Variants in EPHA4 observed in about 807,000 individuals in gnomAD.
EPHA4 encodes ephrin type-A receptor 4.
A neutral mutation model predicts 108.3 loss-of-function variants in EPHA4; 19 were observed. The ratio of observed to expected loss-of-function variants is 0.18; its 90% CI spans 0.12 to 0.26. The LOEUF (loss-of-function observed/expected upper bound fraction) is 0.26, where lower values mean the gene tolerates loss of function less well. Ranked by LOEUF, EPHA4 falls within the 10% of genes least tolerant of loss-of-function variation. The pLI is 1.00. For synonymous variants in EPHA4, 449 were observed against 455.5 expected, an observed-to-expected ratio of 0.99 and a Z score of 0.18; for missense variants, 917 against 1,254.0, an observed-to-expected ratio of 0.73 and a Z score of 4.06.
In EPHA4 at chr2:221,446,905, C is replaced by T. The variant is rs138444220; in HGVS notation, c.1716-724G>A. 3.2e-4 allele frequency among the ~76,000 whole-genome samples: 49 copies of T among 152,296 alleles called. 1 individual carries two copies. In the East Asian group the frequency reaches 9.2e-3, roughly 29 times the overall value. ...CACTTTCAGTAAAATGGTGCATTGTCTTAAACCTGGCATTCTGCTCCTACA... is the reference window on the plus strand; with the variant it reads ...CACTTTCAGTAAAATGGTGCATTGTTTTAAACCTGGCATTCTGCTCCTACA... On this transcript the variant is annotated intron_variant, in intron 8 of 17. Coordinates refer to ENST00000281821, the MANE Select transcript of EPHA4 (RefSeq NM_004438.5).
upstream of EPHA4, chr2:221,573,891 C>G (rs970175649): frequency 1.3e-5 from 2 of 152,238 alleles, no homozygotes; most frequent in Non-Finnish European, 2.9e-5. The surrounding 1 kb of genome is among the most constrained non-coding windows in gnomAD (Gnocchi z 4.5). Context: ...TGGAGTCTGT[C>G]GTGACTCTCG....
At chr2:221,547,428 T>A (rs1221531729) in intron 3 of EPHA4, among the ~76,000 whole-genome samples, 1 of 152,240 alleles carries the variant, frequency 6.6e-6, no homozygotes, top group Middle Eastern at 3.2e-3. Flanking sequence ...TCTATGCTTG[T>A]AACTTCCCAA....
chr2:221,530,417 T>C (rs1693471994), intron 3 of EPHA4, among the ~76,000 whole-genome samples: 3 of 152,226 alleles, frequency 2.0e-5, no homozygotes, highest in Admixed American at 2.0e-4. Context: ...GTTACCATTC[T>C]CTAACATGAA....
chr2:221,432,147 G>T (rs62178654), intron 14 of EPHA4, among the ~76,000 whole-genome samples: 1 of 148,860 alleles, frequency 6.7e-6, no homozygotes, highest in Non-Finnish European at 1.5e-5. Context: ...ATATATGTGT[G>T]TATATATATA....
chr2:221,506,172 C>A (rs2106161577), intron 3 of EPHA4, among the ~76,000 whole-genome samples: 1 of 152,216 alleles, frequency 6.6e-6, no homozygotes, highest in Admixed American at 6.5e-5. Context: ...GGGAACTCTG[C>A]CTTTTGTGCA....
At chr2:221,471,952 T>C (rs1482264067) in intron 5 of EPHA4, among the ~76,000 whole-genome samples, 2 of 152,146 alleles carry the variant, frequency 1.3e-5, no homozygotes, top group Non-Finnish European at 2.9e-5. Flanking sequence ...AATGAGATGA[T>C]GTTAGCTCCA....
At chr2:221,492,348 G>C (rs1692170579) in intron 4 of EPHA4, among the ~76,000 whole-genome samples, 1 of 152,140 alleles carries the variant, frequency 6.6e-6, no homozygotes, top group South Asian at 2.1e-4. Context: ...GGAAAAAAAA[G>C]AGGAAGCTAA....
rs1691606653 is a variant in EPHA4 at position 221,474,723 on chromosome 2, G to GT, written c.1318+7628dup. On this transcript the variant is annotated intron_variant, in intron 5 of 17. Transcript: ENST00000281821. ...ATTTTAAAATGAATCTCTAGAAGGA[G>GT]TTCTTCATTTTCTCGATTTCACTAG... Among the ~76,000 whole-genome samples, 6 of 152,270 alleles carry GT rather than the reference G, an allele frequency of 3.9e-5. No homozygotes were observed. The South Asian group carries it at 1.2e-3, about 32-fold the overall frequency.
rs148658563 is a variant in EPHA4 at position 221,497,847 on chromosome 2, A to G, written c.979+3170T>C. ...TATTTTCATGGACCTTTTAACAATG[A>G]CACAAAAAGCCACCAGCCTTCCTTC... On this transcript the variant is annotated intron_variant, in intron 4 of 17. Coordinates refer to ENST00000281821, the MANE Select transcript of EPHA4 (RefSeq NM_004438.5). Among the ~76,000 whole-genome samples the G allele has an allele frequency of 7.9e-5, 12 of 152,302 alleles. No individual in the cohort carries two copies. In the East Asian group the frequency reaches 2.1e-3, roughly 27 times the overall value.
chr2:221,508,518 G>A (rs1404942382), intron 3 of EPHA4, among the ~76,000 whole-genome samples: 1 of 151,134 alleles, frequency 6.6e-6, no homozygotes, highest in African/African-American at 2.4e-5. Context: ...GACTGAGGTT[G>A]CAGGGAGCCA....
intron 3 of EPHA4, among the ~76,000 whole-genome samples, chr2:221,555,676 C>T (rs999058231): frequency 2.6e-5 from 4 of 152,158 alleles, no homozygotes; most frequent in African/African-American, 7.2e-5. Flanking sequence ...AGGGAGAAAG[C>T]TTTTATGCCT....
At chr2:221,566,912 AG>A (rs1694667547) in intron 2 of EPHA4, among the ~76,000 whole-genome samples, 5 of 47,776 alleles carry the variant, frequency 1.0e-4, no homozygotes, top group Non-Finnish European at 1.5e-4. Context: ...GAGAAGGAGA[AG>A]GAGAAGGAGA....
intron 4 of EPHA4, among the ~76,000 whole-genome samples, chr2:221,497,323 T>C (rs1412034715): frequency 1.3e-5 from 2 of 152,190 alleles, no homozygotes; most frequent in Admixed American, 6.5e-5. Flanking sequence ...AATATCACAG[T>C]GTTGGTCAGT....
At chr2:221,513,792 T>C in intron 3 of EPHA4, among the ~76,000 whole-genome samples, 1 of 152,220 alleles carries the variant, frequency 6.6e-6, no homozygotes, top group East Asian at 1.9e-4. Flanking sequence ...TACACAACTT[T>C]CTGCCAGCAT....
At chr2:221,530,777 C>T (rs151253916) in intron 3 of EPHA4, among the ~76,000 whole-genome samples, 301 of 152,268 alleles carry the variant, frequency 2.0e-3, no homozygotes, top group African/African-American at 6.6e-3. Context: ...CACAGCAGGA[C>T]ATCGTGGTCT....
chr2:221,529,674 G>A (rs889228947), intron 3 of EPHA4, among the ~76,000 whole-genome samples: 5 of 152,130 alleles, frequency 3.3e-5, no homozygotes, highest in African/African-American at 9.7e-5. Context: ...TTGAGACAAC[G>A]CTGAAGGGCA....
chr2:221,564,887 CA>C (rs1233305564), intron 2 of EPHA4, among the ~76,000 whole-genome samples: 939 of 73,062 alleles, frequency 0.013, 2 homozygotes, highest in Middle Eastern at 0.06. Flanking sequence ...TCTAATACCT[CA>C]AAAAAAAAAA....
Position 221,443,578 on chromosome 2 carries a change from C to A in EPHA4, c.1803G>T (p.Thr601=), listed in dbSNP as rs140279818. The change falls in exon 10 of 18, where the codon ACG becomes ACT. Residue 601 remains threonine, a synonymous_variant. Coordinates refer to ENST00000281821, the MANE Select transcript of EPHA4 (RefSeq NM_004438.5). The part of the protein sequence containing the change: ...QGVRTYVDPF[T]YEDPNQAVRE... ...GCACTGCTTGGTTGGGATCTTCGTA[C>A]GTAAAGGGGTCCACATATGTTCTTA... 4 of 1,613,704 alleles carry A rather than the reference C, an allele frequency of 2.5e-6. No homozygotes were observed. Among genetic ancestry groups the A allele is most frequent in the Non-Finnish European group, 1.7e-6 (2 of 1,179,892 alleles).
At chr2:221,556,283 C>T (rs934640185) in intron 3 of EPHA4, among the ~76,000 whole-genome samples, 1 of 151,878 alleles carries the variant, frequency 6.6e-6, no homozygotes, top group Admixed American at 6.6e-5. Flanking sequence ...AGAAAAGTGA[C>T]ATTGTTTTAC....
Sources: gnomAD v4.1 joint callset for allele counts (sites outside exome capture counted in the v4.1 genomes callset) on GRCh38, gnomAD v4.1.1 for gene constraint, Gnocchi (gnomAD v3.1) non-coding constraint, MANE v1.5 for transcripts, NCBI Gene and HGNC (gene_info 2026-07-23, HGNC 2026-07-21) for gene names.